Variants in ASXL2 observed in about 807,000 individuals in gnomAD.
ASXL2 encodes the protein putative Polycomb group protein ASXL2.
ASXL2 carries 23 observed loss-of-function variants against 122.0 expected under a neutral mutation model. The ratio of observed to expected loss-of-function variants is 0.19; its 90% CI spans 0.14 to 0.27. The LOEUF (loss-of-function observed/expected upper bound fraction) is 0.27. ASXL2 is among the 10% of genes least tolerant of loss of function. The pLI is 1.00. For missense variants in ASXL2, 1,518 were observed against 1,713.8 expected, an observed-to-expected ratio of 0.89 and a Z score of 2.02; for synonymous variants, 650 against 637.0, an observed-to-expected ratio of 1.02 and a Z score of -0.31.
intron 8 of ASXL2, 29 bp downstream of exon 8, chr2:25,767,554 A>G: frequency 6.3e-7 from 1 of 1,599,360 alleles, no homozygotes; most frequent in South Asian, 1.1e-5. Flanking sequence ...CATGGCAATG[A>G]AAACTGAAGT....
At chr2:25,867,173 T>C (rs1486484560) in intron 1 of ASXL2, among the ~76,000 whole-genome samples, 1 of 152,178 alleles carries the variant, frequency 6.6e-6, no homozygotes, top group African/African-American at 2.4e-5. Flanking sequence ...GAGCTGGGAT[T>C]ACAGGCGTGA....
At position 25,768,737 on chromosome 2, in the gene ASXL2, C is replaced by T; in HGVS notation, c.631+5G>A. Reference sequence around the variant, plus strand: ...TTCCATTGAAAAACTGCCCAAACTGCCTACCAGGTTTGGCAGGTACAGAGT... The same window carrying T: ...TTCCATTGAAAAACTGCCCAAACTGTCTACCAGGTTTGGCAGGTACAGAGT... On this transcript the variant is annotated splice_donor_5th_base_variant and intron_variant, in intron 7 of 12. Coordinates refer to ENST00000435504, the MANE Select transcript of ASXL2 (RefSeq NM_018263.6). 6.2e-7 allele frequency: 1 copy of T among 1,610,558 alleles called. No individual in the cohort carries two copies. The highest frequency in any genetic ancestry group is 1.3e-5 in the African/African-American group (1 of 74,948).
At chr2:25,745,216 CTT>C (rs58245687) in intron 12 of ASXL2, among the ~76,000 whole-genome samples, 401 of 142,790 alleles carry the variant, frequency 2.8e-3, no homozygotes, top group Non-Finnish European at 2.8e-3. Flanking sequence ...CCTAGGAAGT[CTT>C]TTTTTTTTTT....
intron 3 of ASXL2, among the ~76,000 whole-genome samples, chr2:25,834,638 C>T (rs996685490): frequency 1.2e-4 from 18 of 152,130 alleles, no homozygotes; most frequent in African/African-American, 4.3e-4. Context: ...TGACTGTTGC[C>T]CTCAAGTCTC....
At position 25,749,787 on chromosome 2, in the gene ASXL2, T is replaced by C. The variant is rs763829827; in HGVS notation, c.1769A>G (p.Asn590Ser). 1.2e-6 allele frequency: 2 copies of C among 1,605,200 alleles called. No individual in the cohort carries two copies. The highest frequency in any genetic ancestry group is 1.7e-6 in the Non-Finnish European group (2 of 1,177,284). Residue 590 changes from asparagine to serine, a missense_variant, in exon 12 of 13, where the codon AAT becomes AGT. By Grantham distance (46) the Asn-to-Ser change is conservative (BLOSUM62 1). Transcript: ENST00000435504. ...CTGAAATGGCTGCTGGTGCTGGCGA[T>C]TCTCAGTGACACGTGGCCTCTTCTC... The part of the protein sequence containing the change: ...SWEKRPRVTE[N>S]RQHQQPFQVS...
At chr2:25,843,653 C>G (rs1333800998) in intron 2 of ASXL2, among the ~76,000 whole-genome samples, 2 of 151,566 alleles carry the variant, frequency 1.3e-5, no homozygotes, top group African/African-American at 4.8e-5. Context: ...ACTAGAATTT[C>G]ACGTCAGAGA....
intron 12 of ASXL2, among the ~76,000 whole-genome samples, chr2:25,749,467 C>T (rs879925907): frequency 6.6e-6 from 1 of 152,154 alleles, no homozygotes; most frequent in South Asian, 2.1e-4. Flanking sequence ...ACATTAGATG[C>T]CCAGGTACCT....
intron 3 of ASXL2, among the ~76,000 whole-genome samples, chr2:25,825,176 G>A (rs2149183496): frequency 6.6e-6 from 1 of 152,256 alleles, no homozygotes; most frequent in South Asian, 2.1e-4. Context: ...AAAAGTTAAA[G>A]GCATACCTCT....
chr2:25,832,077 T>C (rs2089460466), intron 3 of ASXL2, among the ~76,000 whole-genome samples: 1 of 152,150 alleles, frequency 6.6e-6, no homozygotes, highest in Admixed American at 6.5e-5. Context: ...AGGAAGTCAT[T>C]CAATAGAATG....
intron 1 of ASXL2, among the ~76,000 whole-genome samples, chr2:25,849,415 G>A (rs1021587622): frequency 1.4e-5 from 2 of 141,332 alleles, no homozygotes; most frequent in African/African-American, 2.7e-5. Flanking sequence ...ACAGCGCCAC[G>A]GTACTCTAGC....
chr2:25,779,170 AC>A (rs2088593656), intron 5 of ASXL2, among the ~76,000 whole-genome samples: 2 of 143,376 alleles, frequency 1.4e-5, no homozygotes, highest in Non-Finnish European at 3.0e-5. Flanking sequence ...GCTCACTGCA[AC>A]CTCTGCCTCC....
At chr2:25,789,916 G>T (rs534807156) in intron 5 of ASXL2, among the ~76,000 whole-genome samples, 1 of 152,150 alleles carries the variant, frequency 6.6e-6, no homozygotes, top group Non-Finnish European at 1.5e-5. Context: ...GACCAGTAGC[G>T]ATTTGGAGAT....
intron 1 of ASXL2, chr2:25,856,850 C>T (rs1457493352): frequency 1.1e-5 from 10 of 889,440 alleles, no homozygotes; most frequent in East Asian, 2.4e-5. Flanking sequence ...CTGAGAGGAA[C>T]GAGGTCCAAG....
At chr2:25,815,907 GA>G (rs780872822) in intron 3 of ASXL2, among the ~76,000 whole-genome samples, 1 of 152,148 alleles carries the variant, frequency 6.6e-6, no homozygotes, top group Non-Finnish European at 1.5e-5. Flanking sequence ...ACAGAGATAG[GA>G]AAGGGAAAAG....
At chr2:25,778,253 C>G (rs2088579130) in intron 5 of ASXL2, among the ~76,000 whole-genome samples, 1 of 152,106 alleles carries the variant, frequency 6.6e-6, no homozygotes, top group Non-Finnish European at 1.5e-5. Flanking sequence ...CAAATGGATC[C>G]TAAAGCCAAA....
At chr2:25,772,159 T>C (rs374475698) in intron 5 of ASXL2, among the ~76,000 whole-genome samples, 1 of 152,212 alleles carries the variant, frequency 6.6e-6, no homozygotes. Context: ...GTGGGTCTTA[T>C]GCGAACAAGG....
chr2:25,876,898 T>C (rs1012211007), intron 1 of ASXL2, among the ~76,000 whole-genome samples: 1 of 152,104 alleles, frequency 6.6e-6, no homozygotes, highest in Non-Finnish European at 1.5e-5. Context: ...TGCACAAAGT[T>C]TAGAAACAAA....
At chr2:25,762,665 G>GAAAAAAAAAAAA (rs60065368) in intron 8 of ASXL2, among the ~76,000 whole-genome samples, 46 of 34,252 alleles carry the variant, frequency 1.3e-3, no homozygotes, top group African/African-American at 2.2e-3. Context: ...ACTCTTTCTC[G>GAAAAAAAAAAAA]AAAAAAAAAA....
Position 25,743,259 on chromosome 2 carries a change from A to C in ASXL2, c.3078T>G (p.Ser1026Arg). The change falls in exon 13 of 13, where the codon AGT becomes AGG. Residue 1026 changes from serine to arginine, a missense_variant. Physicochemically the swap from Ser to Arg is moderately radical, Grantham distance 110. Transcript: ENST00000435504. ...TQQQLGKTLQ[S>R]KQLPQVPRPL... ...GCCTTGGAACCTGGGGGAGCTGCTT[A>C]CTTTGCAAGGTTTTGCCCAGCTGCT... The C allele has an allele frequency of 6.2e-7, 1 of 1,613,712 alleles. No individual in the cohort carries two copies.
Sources: allele counts gnomAD v4.1 joint callset (sites outside exome capture counted in the v4.1 genomes callset), GRCh38; gene constraint gnomAD v4.1.1; transcripts MANE v1.5; gene names NCBI Gene and HGNC (gene_info 2026-07-23, HGNC 2026-07-21).